TUSC3: variants seen among roughly 807,000 people sequenced by gnomAD.
The protein encoded by TUSC3 is tumor suppressor candidate 3, also known as dolichyl-diphosphooligosaccharide--protein glycosyltransferase subunit TUSC3.
In TUSC3, 45 loss-of-function variants were observed where a neutral mutation model predicts 44.8. That is an observed-to-expected ratio of 1.00 (90% CI 0.79 to 1.29). TUSC3 has a LOEUF of 1.29. TUSC3 is among the 50% of genes most tolerant of loss of function. The pLI is 0.00. For synonymous variants in TUSC3, 212 were observed against 152.9 expected (o/e 1.39, Z -2.85); for missense variants, 519 against 437.9 (o/e 1.19, Z -1.65).
At chr8:15,515,911 C>T (rs1163413059) in intron 2 of TUSC3, among the ~76,000 whole-genome samples, 1 of 152,040 alleles carries the variant, frequency 6.6e-6, no homozygotes, top group East Asian at 1.9e-4. Flanking sequence ...CCTTGTGATC[C>T]ACCTTCCTTG....
At chr8:15,672,655 GT>G (rs1808000450) in intron 5 of TUSC3, among the ~76,000 whole-genome samples, 3 of 152,060 alleles carry the variant, frequency 2.0e-5, no homozygotes, top group Non-Finnish European at 2.9e-5. Flanking sequence ...AGATACTCCT[GT>G]TTGTGAATAT....
chr8:15,594,256 T>G (rs1307626784), intron 1 of TUSC3, among the ~76,000 whole-genome samples: 2 of 152,222 alleles, frequency 1.3e-5, no homozygotes, highest in Non-Finnish European at 2.9e-5. Flanking sequence ...TGTTGTAGTT[T>G]TCATCTTTAG....
chr8:15,799,509 T>C, the TUSC3 span, among the ~76,000 whole-genome samples: 1 of 152,208 alleles, frequency 6.6e-6, no homozygotes, highest in Non-Finnish European at 1.5e-5. Context: ...ATTTGTTAGA[T>C]GTTTTGAACC....
At chr8:15,527,801 T>G (rs530888849) in intron 2 of TUSC3, among the ~76,000 whole-genome samples, 1 of 152,296 alleles carries the variant, frequency 6.6e-6, no homozygotes, top group African/African-American at 2.4e-5. Context: ...ATAGACAAAA[T>G]AAGCTCTTCA....
intron 1 of TUSC3, among the ~76,000 whole-genome samples, chr8:15,564,753 C>G (rs765882630): frequency 6.6e-6 from 1 of 152,002 alleles, no homozygotes; most frequent in South Asian, 2.1e-4. Context: ...TGATCTGTGT[C>G]GTCTGCAGCT....
chr8:15,850,841 G>A, the TUSC3 span, among the ~76,000 whole-genome samples: 1 of 152,176 alleles, frequency 6.6e-6, no homozygotes, highest in Non-Finnish European at 1.5e-5. Context: ...TTTGGAAGCA[G>A]ATCACTTTCA....
Position 15,766,408 on chromosome 8 carries a change from C to G in TUSC3, c.*2252C>G, listed in dbSNP as rs969192171. On this transcript the variant is annotated 3_prime_UTR_variant, in exon 11 of 11. Coordinates refer to ENST00000503731, the MANE Select transcript of TUSC3 (RefSeq NM_006765.4). ...TGAGAATTGAATAATTGATTTGTAC[C>G]TGGTATGTTATATCCTCCAGTGTCA... 1 of 152,042 alleles carries G rather than the reference C, an allele frequency of 6.6e-6. No individual in the cohort carries two copies. The highest frequency in any genetic ancestry group is 1.5e-5 in the Non-Finnish European group (1 of 67,988). The allele number at this position is 152,042 out of a possible 1,614,324, so 9.4% of individuals were successfully genotyped here.
At chr8:15,753,245 A>G (rs936801184) in intron 9 of TUSC3, among the ~76,000 whole-genome samples, 1 of 151,994 alleles carries the variant, frequency 6.6e-6, no homozygotes, top group Non-Finnish European at 1.5e-5. Flanking sequence ...CTCTAATTAT[A>G]TCTTCCCAGA....
the TUSC3 span, among the ~76,000 whole-genome samples, chr8:15,807,762 A>G: frequency 1.3e-5 from 2 of 152,244 alleles, no homozygotes; most frequent in Non-Finnish European, 2.9e-5. Flanking sequence ...TAACACAGGA[A>G]CAGAAAAACA....
chr8:15,779,442 A>G, the TUSC3 span, among the ~76,000 whole-genome samples: 3 of 150,744 alleles, frequency 2.0e-5, no homozygotes, highest in East Asian at 4.0e-4. Context: ...AAACATGAGA[A>G]CTCAGGAAAC....
chr8:15,798,584 G>A, the TUSC3 span, among the ~76,000 whole-genome samples: 4 of 152,068 alleles, frequency 2.6e-5, no homozygotes, highest in Non-Finnish European at 4.4e-5. Flanking sequence ...CAGCGTGGCG[G>A]CAGCTTTGGT....
In TUSC3 at chr8:15,503,260, A is replaced by G. The variant is rs181184300; in HGVS notation, n.189+19777A>G. ...AGACACAAGGACAATATGGCCATCT[A>G]CAAGCCAAGGAGAGAGGCCTCAGAA... On this transcript the variant is annotated intron_variant and non_coding_transcript_variant, in intron 2 of 5. Coordinates refer to the TUSC3 transcript ENST00000503191. Among the ~76,000 whole-genome samples the G allele has an allele frequency of 1.9e-3, 291 of 152,300 alleles. 3 individuals are homozygous for G. The highest frequency in any genetic ancestry group is 6.5e-3 in the African/African-American group (271 of 41,576).
chr8:15,466,825 A>T (rs1369431699), intron 1 of TUSC3, among the ~76,000 whole-genome samples: 2 of 151,978 alleles, frequency 1.3e-5, no homozygotes, highest in Non-Finnish European at 2.9e-5. Context: ...CCATGTTGTG[A>T]TGGAGAGTAT....
At chr8:15,491,835 T>A (rs560050605) in intron 2 of TUSC3, among the ~76,000 whole-genome samples, 53 of 152,332 alleles carry the variant, frequency 3.5e-4, no homozygotes, top group South Asian at 1.9e-3. Flanking sequence ...TAGCTAACAT[T>A]TGATGACAAC....
intron 1 of TUSC3, among the ~76,000 whole-genome samples, chr8:15,471,021 C>G (rs1177100009): frequency 6.6e-6 from 1 of 152,056 alleles, no homozygotes; most frequent in African/African-American, 2.4e-5. Flanking sequence ...AGATGATAAT[C>G]ATAAAAATGC....
intron 1 of TUSC3, among the ~76,000 whole-genome samples, chr8:15,621,262 C>G (rs2073383227): frequency 6.6e-6 from 1 of 151,446 alleles, no homozygotes; most frequent in Non-Finnish European, 1.5e-5. Flanking sequence ...TTGGTAAATA[C>G]TGGAGACTTT....
At chr8:15,512,544 G>A (rs1314729129) in intron 2 of TUSC3, among the ~76,000 whole-genome samples, 1 of 152,058 alleles carries the variant, frequency 6.6e-6, no homozygotes, top group African/African-American at 2.4e-5. Context: ...AAGCTGAGGT[G>A]GGCAGATCAC....
chr8:15,512,152 TA>T (rs1487782602), intron 2 of TUSC3, among the ~76,000 whole-genome samples: 3 of 152,208 alleles, frequency 2.0e-5, no homozygotes, highest in African/African-American at 7.2e-5. Flanking sequence ...GTGATATTTG[TA>T]AAAAGTTAGA....
At chr8:15,461,267 TTTTG>T (rs373497487) in intron 1 of TUSC3, among the ~76,000 whole-genome samples, 26 of 152,170 alleles carry the variant, frequency 1.7e-4, no homozygotes, top group African/African-American at 4.3e-4. Flanking sequence ...TTCCTAAGTG[TTTTG>T]TTTGTTTGTT....
Sources: gnomAD v4.1 joint callset for allele counts (sites outside exome capture counted in the v4.1 genomes callset) on GRCh38, gnomAD v4.1.1 for gene constraint, MANE v1.5 for transcripts, NCBI Gene and HGNC (gene_info 2026-07-23, HGNC 2026-07-21) for gene names.